APMAP: variants seen among roughly 807,000 people sequenced by gnomAD.
The protein encoded by APMAP is adipocyte plasma membrane associated protein, also known as adipocyte plasma membrane-associated protein.
A neutral mutation model predicts 43.6 loss-of-function variants in APMAP; 33 were observed. The observed-to-expected ratio is 0.76, with a 90% CI of 0.57 to 1.01. The LOEUF (loss-of-function observed/expected upper bound fraction) is 1.01, where lower values mean the gene tolerates loss of function less well. Among genes scored for constraint, APMAP ranks in the 50% least tolerant of loss-of-function variants. APMAP has a pLI of 0.00. For synonymous variants in APMAP, 224 were observed against 216.7 expected, an observed-to-expected ratio of 1.03 and a Z score of -0.30; for missense variants, 498 against 540.7, an observed-to-expected ratio of 0.92 and a Z score of 0.78.
In APMAP at chr20:24,964,002, C is replaced by G; in HGVS notation, c.1062G>C (p.Val354=). Residue 354 remains valine, a synonymous_variant, in exon 9 of 9, where the codon GTG becomes GTC. Transcript: ENST00000217456. The stretch of plus-strand genomic sequence containing the variant: ...GGCTGTACCGCGGCACAAACTTCAT[C>G]ACCGTCTCTTGACTAAAGAGCTAGA... ...MIFKLFSQET[V]MKFVPRYSLV... is the part of the protein sequence containing the mutation. The G allele has an allele frequency of 6.2e-7, 1 of 1,614,250 alleles. No individual in the cohort carries two copies. Among genetic ancestry groups the G allele is most frequent in the Middle Eastern group, 1.6e-4 (1 of 6,062 alleles).
Position 24,978,097 on chromosome 20 carries a change from A to T in APMAP, c.328+670T>A, listed in dbSNP as rs116745903. On this transcript the variant is annotated intron_variant, in intron 3 of 8. Coordinates refer to ENST00000217456, the MANE Select transcript of APMAP (RefSeq NM_020531.3). ...AGTGTGCTTCAGAATAACAAGCGGC[A>T]CTTCCAAAGAAGCTGCTCAGCAAGC... Among the ~76,000 whole-genome samples the T allele has an allele frequency of 1.5e-3, 223 of 152,372 alleles. 1 individual carries two copies. The highest frequency in any genetic ancestry group is 5.3e-3 in the African/African-American group (220 of 41,586).
chr20:24,968,507 G>A (rs566213938), intron 8 of APMAP, among the ~76,000 whole-genome samples: 4 of 152,192 alleles, frequency 2.6e-5, no homozygotes, highest in South Asian at 2.1e-4. Flanking sequence ...AGGCAGAGAG[G>A]GGGGTGGAGA....
intron 1 of APMAP, 81 bp from the exon 2 acceptor site, chr20:24,984,100 C>G: frequency 8.9e-7 from 1 of 1,121,160 alleles, no homozygotes; most frequent in Non-Finnish European, 1.3e-6. Flanking sequence ...GCCCTCCCGG[C>G]AGGAGCAGGG....
chr20:24,969,110 T>C, intron 7 of APMAP, 26 bp from the exon 8 acceptor site: 1 of 1,553,610 alleles, frequency 6.4e-7, no homozygotes. Context: ...AAGCAGAGAG[T>C]GAACCATAGC....
intron 3 of APMAP, among the ~76,000 whole-genome samples, chr20:24,975,829 TA>T (rs1455492671): frequency 2.6e-5 from 4 of 152,180 alleles, no homozygotes; most frequent in African/African-American, 9.6e-5. Flanking sequence ...AATAGAAAAA[TA>T]AATCAATAGA....
At chr20:24,981,654 T>G (rs1050325365) in intron 2 of APMAP, among the ~76,000 whole-genome samples, 2 of 152,236 alleles carry the variant, frequency 1.3e-5, no homozygotes, top group African/African-American at 4.8e-5. Context: ...CACCCGATAG[T>G]AAAATGTGTA....
At position 24,963,407 on chromosome 20, in the gene APMAP, AAAG is replaced by A. The variant is rs752827725; in HGVS notation, c.*403_*405del. 446 of 212,268 alleles carry A rather than the reference AAAG, an allele frequency of 2.1e-3. 2 individuals carry two copies. The highest frequency in any genetic ancestry group is 4.0e-3 in the Admixed American group (76 of 18,858). 13.1% of individuals were successfully genotyped at this position (212,268 alleles called of 1,614,324 possible). On this transcript the variant is annotated 3_prime_UTR_variant, in exon 9 of 9. Coordinates refer to ENST00000217456, the MANE Select transcript of APMAP (RefSeq NM_020531.3). Reference sequence around the variant, plus strand: ...GGTATGACCGCACGTTATATATAGTAAAGAAGAACTTTGAGGCCGCAGGACAGG... The same window carrying A: ...GGTATGACCGCACGTTATATATAGTAAAGAACTTTGAGGCCGCAGGACAGG...
rs759193762 is a variant in APMAP at position 24,971,556 on chromosome 20, C to A, written c.442G>T (p.Val148Leu). Residue 148 changes from valine (V) to leucine (L), a missense_variant, in exon 5 of 9, where the codon GTG (valine) becomes TTG (leucine). Coordinates refer to ENST00000217456, the MANE Select transcript of APMAP (RefSeq NM_020531.3). Reference protein sequence around the residue: ...GPCKTRDDEPVCGRPLGIRAG... With the variant: ...GPCKTRDDEPLCGRPLGIRAG... The stretch of plus-strand genomic sequence containing the variant: ...CGGATACCCAGGGGTCTCCCACACA[C>A]AGGCTCATCATCTCGGGTTTCTAGA... The A allele has an allele frequency of 1.2e-5, 19 of 1,614,184 alleles. No homozygotes were observed. Among genetic ancestry groups the A allele is most frequent in the Non-Finnish European group, 7.6e-6 (9 of 1,180,012 alleles).
Position 24,963,522 on chromosome 20 carries a change from G to A in APMAP, c.*291C>T. On this transcript the variant is annotated 3_prime_UTR_variant, in exon 9 of 9. Coordinates refer to ENST00000217456, the MANE Select transcript of APMAP (RefSeq NM_020531.3). ...AGTGCAAGGAGCTTCCCAAATCCTA[G>A]AGAATGACTGTACTTAGAAAGTTTT... 2 of 411,386 alleles carry A rather than the reference G, an allele frequency of 4.9e-6. No individual in the cohort carries two copies. Among genetic ancestry groups the A allele is most frequent in the East Asian group, 5.0e-5 (1 of 19,960 alleles). 25.5% of individuals were successfully genotyped at this position (411,386 alleles called of 1,614,324 possible).
intron 2 of APMAP, 152 bp downstream of exon 2, chr20:24,983,751 A>G (rs1156454647): frequency 2.5e-5 from 13 of 525,434 alleles, no homozygotes; most frequent in Non-Finnish European, 4.0e-5. Context: ...ATTCAGCATA[A>G]AAACCCAGGT....
chr20:24,971,510 A>G lies in APMAP; in HGVS notation c.488T>C (p.Leu163Pro), dbSNP rs1319384330. 6.2e-7 allele frequency: 1 copy of G among 1,614,248 alleles called. No homozygotes were observed. Residue 163 changes from leucine (L) to proline (P), a missense_variant, in exon 5 of 9, where the codon CTC becomes CCC. Physicochemically the swap from Leu to Pro is moderately conservative, Grantham distance 98 (BLOSUM62 -3). Coordinates refer to ENST00000217456, the MANE Select transcript of APMAP (RefSeq NM_020531.3). ...LGIRAGPNGT[L>P]FVADAYKGLF... ...TCCCTTGTATGCATCGGCCACAAAG[A>G]GAGTCCCATTGGGCCCTGCACGGAT...
At position 24,984,031 on chromosome 20, in the gene APMAP, AAAAGATAC is replaced by A. The variant is rs758157044; in HGVS notation, c.96-20_96-13del. On this transcript the variant is annotated splice_polypyrimidine_tract_variant and intron_variant, in intron 1 of 8. Transcript: ENST00000217456. ...TGCCGCTAAAGGAGCTGCCAGAAAT[AAAAGATAC>A]AAAGGCAATCAGCTGAGTCTCAGAC... 3.1e-6 allele frequency: 5 copies of A among 1,596,580 alleles called. No homozygotes were observed. The highest frequency in any genetic ancestry group is 3.4e-6 in the Non-Finnish European group (4 of 1,164,522).
At chr20:24,973,862 A>G in intron 3 of APMAP, 125 bp from the exon 4 acceptor site, 1 of 760,148 alleles carries the variant, frequency 1.3e-6, no homozygotes, top group South Asian at 1.9e-5. Flanking sequence ...GCCAATTCTC[A>G]AGATGGAAGA....
chr20:24,986,700 C>T (rs2088150571), intron 1 of APMAP, among the ~76,000 whole-genome samples: 1 of 152,172 alleles, frequency 6.6e-6, no homozygotes, highest in African/African-American at 2.4e-5. Flanking sequence ...CGTGGGCAAC[C>T]AGATGGAACC....
chr20:24,981,018 A>G (rs2088099964), intron 2 of APMAP, among the ~76,000 whole-genome samples: 1 of 152,238 alleles, frequency 6.6e-6, no homozygotes, highest in Non-Finnish European at 1.5e-5. Context: ...GACCACACTT[A>G]GAAATCTCTA....
At chr20:24,992,504 T>G in intron 1 of APMAP, 90 bp downstream of exon 1, 2 of 1,073,906 alleles carry the variant, frequency 1.9e-6, no homozygotes, top group South Asian at 5.0e-5. Flanking sequence ...CATCCCCAGG[T>G]TACTGTTACT....
chr20:24,973,558 A>C (rs2088023862), intron 4 of APMAP, 87 bp downstream of exon 4: 1 of 1,302,502 alleles, frequency 7.7e-7, no homozygotes, highest in African/African-American at 1.5e-5. Flanking sequence ...TCCCACAGGC[A>C]TTCTAGGGAA....
intron 1 of APMAP, among the ~76,000 whole-genome samples, chr20:24,985,472 T>C (rs2088139742): frequency 6.6e-6 from 1 of 152,156 alleles, no homozygotes; most frequent in Non-Finnish European, 1.5e-5. Flanking sequence ...AACACAGCCC[T>C]ACTGACACCC....
chr20:24,978,747 C>CCT lies in APMAP; in HGVS notation c.328+19_328+20insAG. On this transcript the variant is annotated intron_variant, in intron 3 of 8. Transcript: ENST00000217456. ...ACAGACAGCCTGGAAGGCTCCCCCC[C>CCT]CACCCAAGCTTAGACTTACCCCCAA... is the stretch of plus-strand genomic sequence containing the variant. 1 of 1,312,712 alleles carries CCT rather than the reference C, an allele frequency of 7.6e-7. No individual in the cohort carries two copies. Among genetic ancestry groups the CCT allele is most frequent in the Non-Finnish European group, 1.1e-6 (1 of 930,798 alleles). The allele number at this position is 1,312,712 out of a possible 1,614,324, so 81.3% of individuals were successfully genotyped here.
Sources: gnomAD v4.1 joint callset for allele counts (sites outside exome capture counted in the v4.1 genomes callset) on GRCh38, gnomAD v4.1.1 for gene constraint, MANE v1.5 for transcripts, NCBI Gene and HGNC (gene_info 2026-07-23, HGNC 2026-07-21) for gene names.